Variants in NFKB2 observed in about 807,000 individuals in gnomAD.
NFKB2 encodes nuclear factor kappa B subunit 2.
Under a neutral mutation model 109.3 loss-of-function variants are expected in NFKB2, and 21 were observed. The ratio of observed to expected loss-of-function variants is 0.19; its 90% CI spans 0.14 to 0.28. The LOEUF is 0.28. NFKB2 is among the 10% of genes least tolerant of loss of function. NFKB2 has a pLI of 1.00. For synonymous variants in NFKB2, 478 were observed against 489.9 expected (o/e 0.98, Z 0.32); for missense variants, 806 against 1,185.3 (o/e 0.68, Z 4.70).
rs756619156 is a variant in NFKB2 at position 102,397,311 on chromosome 10, C to T, written c.405C>T (p.Asn135=). The change falls in exon 7 of 23, where the codon AAC becomes AAT. Residue 135 remains asparagine (N), a synonymous_variant. Transcript: ENST00000661543. The surrounding 1 kb of genome is among the most constrained non-coding windows in gnomAD (Gnocchi z 4.7). ...GATTCTCTCTTCTCAGATTTAACAA[C>T]CTGGGTGTCCTGCATGTGACTAAGA... is the stretch of plus-strand genomic sequence containing the variant. ...GPKDMTAQFN[N]LGVLHVTKKN... 10 of 1,613,946 alleles carry T rather than the reference C, an allele frequency of 6.2e-6. No individual in the cohort carries two copies. In the African/African-American group the frequency reaches 1.1e-4, roughly 17 times the overall value.
rs2061253580 is a variant in NFKB2, at chr10:102,401,640, T to C, written c.2294-105T>C. ...CCTCAGCCCCGTCCATCACCCCTCA[T>C]GGTCCTGTCTGTCGCTTACCTTGGG... On this transcript the variant is annotated intron_variant, in intron 20 of 22. Transcript: ENST00000661543. The surrounding 1 kb of genome is among the most constrained non-coding windows in gnomAD (Gnocchi z 4.2). The C allele has an allele frequency of 3.3e-6, 5 of 1,522,830 alleles. No individual in the cohort carries two copies. Among genetic ancestry groups the C allele is most frequent in the African/African-American group, 2.7e-5 (2 of 72,884 alleles). The allele number at this position is 1,522,830 out of a possible 1,614,324, so 94.3% of individuals were successfully genotyped here.
Position 102,401,237 on chromosome 10 carries a change from C to T in NFKB2, c.2129C>T (p.Thr710Ile). 2 of 1,611,470 alleles carry T rather than the reference C, an allele frequency of 1.2e-6. No individual in the cohort carries two copies. Among genetic ancestry groups the T allele is most frequent in the South Asian group, 2.2e-5 (2 of 90,730 alleles). ...EPLCPLPSPP[T>I]SDSDSDSEGP... is the part of the protein sequence containing the mutation. The stretch of plus-strand genomic sequence containing the variant: ...CTGTGCCCACTGCCTTCACCCCCTA[C>T]CTCTGATAGCGACTCGGACTCTGAA... The change falls in exon 19 of 23, where the codon ACC (threonine) becomes ATC (isoleucine). Residue 710 changes from threonine to isoleucine, a missense_variant. Thr to Ile is a moderately conservative substitution (Grantham distance 89, BLOSUM62 -1). Coordinates refer to ENST00000661543, the MANE Select transcript of NFKB2 (RefSeq NM_001322934.2). The surrounding 1 kb of genome is among the most constrained non-coding windows in gnomAD (Gnocchi z 4.2).
Position 102,396,315 on chromosome 10 carries a change from G to A in NFKB2, c.84G>A (p.Lys28=), listed in dbSNP as rs2061112217. Residue 28 remains lysine, a synonymous_variant, in exon 3 of 23, where the codon AAG becomes AAA. Transcript: ENST00000661543. This position sits in a 1 kb window ranked among gnomAD's most constrained non-coding sequence, Gnocchi z 5.9. ...TGAACTCCTCCATTGTGGAACCCAA[G>A]GAGCCAGCCCCAGAAACAGGTCAGC... ...FKLNSSIVEP[K]EPAPETADGP... The A allele has an allele frequency of 6.2e-7, 1 of 1,613,552 alleles. No homozygotes were observed. The highest frequency in any genetic ancestry group is 8.5e-7 in the Non-Finnish European group (1 of 1,179,528).
In NFKB2 at chr10:102,395,946, C is replaced by A. The variant is rs2061101290; in HGVS notation, c.-14C>A. The A allele has an allele frequency of 6.2e-7, 1 of 1,612,720 alleles. No individual in the cohort carries two copies. The highest frequency in any genetic ancestry group is 8.5e-7 in the Non-Finnish European group (1 of 1,179,972). On this transcript the variant is annotated 5_prime_UTR_variant, in exon 2 of 23. Transcript: ENST00000661543. ...GCCGGAGCCACTAGACAGAGCCGGG[C>A]CTAGCCCAGAGACATGGAGAGTTGC...
Position 102,401,294 on chromosome 10 carries a change from G to A in NFKB2, c.2186G>A (p.Arg729Gln), listed in dbSNP as rs201099063. 3.5e-5 allele frequency: 56 copies of A among 1,609,978 alleles called. No homozygotes were observed. The highest frequency in any genetic ancestry group is 4.0e-5 in the African/African-American group (3 of 74,980). Residue 729 changes from arginine (R) to glutamine (Q), a missense_variant, in exon 19 of 23, where the codon CGG (arginine) becomes CAG (glutamine). Arg to Gln is a conservative substitution (Grantham distance 43). This residue lies in a region of NFKB2 where 211 missense variants were observed against 268.7 expected (regional missense o/e 0.79). Coordinates refer to ENST00000661543, the MANE Select transcript of NFKB2 (RefSeq NM_001322934.2). This position sits in a 1 kb window ranked among gnomAD's most constrained non-coding sequence, Gnocchi z 4.2. ...GAGAAGGACACCCGAAGCAGCTTCCGGGGCCACACGCCTCTTGACCTCACT... is the reference window on the plus strand; with the variant it reads ...GAGAAGGACACCCGAAGCAGCTTCCAGGGCCACACGCCTCTTGACCTCACT... The part of the protein sequence containing the change: ...GPEKDTRSSF[R>Q]GHTPLDLTCS...
In NFKB2 at chr10:102,399,596, C is replaced by A; in HGVS notation, c.1347C>A (p.Arg449=). ...CCGTAGCTCGAGAGTACAACGCGCG[C>A]CTGTTCGGCCTGGCGCAGCGCAGCG... The part of the protein sequence containing the change: ...MLQRAREYNA[R]LFGLAQRSAR... Residue 449 remains arginine, a synonymous_variant, in exon 14 of 23, where the codon CGC becomes CGA. Coordinates refer to ENST00000661543, the MANE Select transcript of NFKB2 (RefSeq NM_001322934.2). 6.5e-7 allele frequency: 1 copy of A among 1,549,602 alleles called. No individual in the cohort carries two copies. The highest frequency in any genetic ancestry group is 8.7e-7 in the Non-Finnish European group (1 of 1,147,068).
rs769263526 is a variant in NFKB2 at position 102,401,893 on chromosome 10, T to C, written c.2442T>C (p.Ser814=). 6.2e-7 allele frequency: 1 copy of C among 1,613,272 alleles called. No individual in the cohort carries two copies. The highest frequency in any genetic ancestry group is 1.7e-5 in the Admixed American group (1 of 59,938). The part of the protein sequence containing the change: ...VDTYRQTTSP[S]GSLLRSYELA... ...CGTACCGACAGACAACCTCACCCAG[T>C]GGCAGCCTCCTGCGCAGCTACGAGG... The change falls in exon 21 of 23, where the codon AGT becomes AGC. Residue 814 remains serine (S), a synonymous_variant. Coordinates refer to ENST00000661543, the MANE Select transcript of NFKB2 (RefSeq NM_001322934.2). This position sits in a 1 kb window ranked among gnomAD's most constrained non-coding sequence, Gnocchi z 4.2.
chr10:102,399,517 G>T lies in NFKB2; in HGVS notation c.1327+20G>T. 2.0e-6 allele frequency: 3 copies of T among 1,500,732 alleles called. No homozygotes were observed. The highest frequency in any genetic ancestry group is 2.7e-6 in the Non-Finnish European group (3 of 1,123,928). 93.0% of individuals were successfully genotyped at this position (1,500,732 alleles called of 1,614,324 possible). ...AGCGAGGTATGGACTCCGGGGCACG[G>T]GCGGTCGGGGCGCCGGGGCTGAGGA... On this transcript the variant is annotated intron_variant, in intron 13 of 22. Transcript: ENST00000661543.
At position 102,397,191 on chromosome 10, in the gene NFKB2, A is replaced by G; in HGVS notation, c.396-111A>G. 2 of 1,528,174 alleles carry G rather than the reference A, an allele frequency of 1.3e-6. No homozygotes were observed. The highest frequency in any genetic ancestry group is 3.6e-5 in the Admixed American group (2 of 55,166). The allele number at this position is 1,528,174 out of a possible 1,614,324, so 94.7% of individuals were successfully genotyped here. A position where few individuals can be genotyped will look rare whatever the true frequency, so the allele number is the denominator to read the frequency against. ...CCCAAACCCAAGGGCCTAAGTAGAA[A>G]CTCCAATGGCTTCCTTGAGGAAGTA... is the stretch of plus-strand genomic sequence containing the variant. On this transcript the variant is annotated intron_variant, in intron 6 of 22. Coordinates refer to ENST00000661543, the MANE Select transcript of NFKB2 (RefSeq NM_001322934.2). The surrounding 1 kb of genome is among the most constrained non-coding windows in gnomAD (Gnocchi z 4.7).
At position 102,399,599 on chromosome 10, in the gene NFKB2, G is replaced by A; in HGVS notation, c.1350G>A (p.Leu450=). The A allele has an allele frequency of 6.5e-7, 1 of 1,549,486 alleles. No homozygotes were observed. The highest frequency in any genetic ancestry group is 8.7e-7 in the Non-Finnish European group (1 of 1,147,038). Residue 450 remains leucine (L), a synonymous_variant, in exon 14 of 23, where the codon CTG becomes CTA. Coordinates refer to ENST00000661543, the MANE Select transcript of NFKB2 (RefSeq NM_001322934.2). ...TAGCTCGAGAGTACAACGCGCGCCT[G>A]TTCGGCCTGGCGCAGCGCAGCGCCC... is the stretch of plus-strand genomic sequence containing the variant. ...LQRAREYNAR[L]FGLAQRSARA... is the part of the protein sequence containing the mutation.
At position 102,402,453 on chromosome 10, in the gene NFKB2, C is replaced by T. The variant is rs2061285598; in HGVS notation, c.*77C>T. The T allele has an allele frequency of 1.3e-6, 1 of 799,006 alleles. No homozygotes were observed. 49.5% of individuals were successfully genotyped at this position (799,006 alleles called of 1,614,324 possible). On this transcript the variant is annotated 3_prime_UTR_variant, in exon 23 of 23. Coordinates refer to ENST00000661543, the MANE Select transcript of NFKB2 (RefSeq NM_001322934.2). The stretch of plus-strand genomic sequence containing the variant: ...CCTATTTCAAATCTTATTTAACACC[C>T]CACACCCACCCCTCAGTTGGGACAA...
chr10:102,396,162 G>T lies in NFKB2; in HGVS notation c.22-91G>T. ...CTTTCTCTTGGGTCTGAGGAGGAGG[G>T]GGGAGTGACCACTGAAGACTTGGAG... On this transcript the variant is annotated intron_variant, in intron 2 of 22. Coordinates refer to ENST00000661543, the MANE Select transcript of NFKB2 (RefSeq NM_001322934.2). This position sits in a 1 kb window ranked among gnomAD's most constrained non-coding sequence, Gnocchi z 5.9. 1.4e-6 allele frequency: 2 copies of T among 1,479,710 alleles called. No individual in the cohort carries two copies. Among genetic ancestry groups the T allele is most frequent in the Non-Finnish European group, 1.9e-6 (2 of 1,069,948 alleles). 91.7% of individuals were successfully genotyped at this position (1,479,710 alleles called of 1,614,324 possible).
In NFKB2 at chr10:102,398,324, G is replaced by A. The variant is rs1387214231; in HGVS notation, c.852+27G>A. ...TACCCAGGGCTAGGGCCCGGGCCCGGGCTGGGGGCTAAATTAGGCTAAGGA... is the reference window on the plus strand; with the variant it reads ...TACCCAGGGCTAGGGCCCGGGCCCGAGCTGGGGGCTAAATTAGGCTAAGGA... On this transcript the variant is annotated intron_variant, in intron 10 of 22. Coordinates refer to ENST00000661543, the MANE Select transcript of NFKB2 (RefSeq NM_001322934.2). This position sits in a 1 kb window ranked among gnomAD's most constrained non-coding sequence, Gnocchi z 6.6. 1.2e-6 allele frequency: 2 copies of A among 1,614,068 alleles called. No homozygotes were observed. The highest frequency in any genetic ancestry group is 2.2e-5 in the South Asian group (2 of 91,088).
At position 102,397,918 on chromosome 10, in the gene NFKB2, C is replaced by A; in HGVS notation, c.662-63C>A. The A allele has an allele frequency of 1.3e-6, 2 of 1,538,630 alleles. No individual in the cohort carries two copies. On this transcript the variant is annotated intron_variant, in intron 8 of 22. Transcript: ENST00000661543. This position sits in a 1 kb window ranked among gnomAD's most constrained non-coding sequence, Gnocchi z 4.7. Reference sequence around the variant, plus strand: ...GCTGAGATAAGGAATACAAAGCCCCCAGCTTCTTAAATGTGGCCTTGGCTA... The same window carrying A: ...GCTGAGATAAGGAATACAAAGCCCCAAGCTTCTTAAATGTGGCCTTGGCTA...
At position 102,396,434 on chromosome 10, in the gene NFKB2, T is replaced by A. The variant is rs1589858550; in HGVS notation, c.104-15T>A. 2 of 1,613,738 alleles carry A rather than the reference T, an allele frequency of 1.2e-6. No homozygotes were observed. The highest frequency in any genetic ancestry group is 2.2e-5 in the East Asian group (1 of 44,882). On this transcript the variant is annotated splice_polypyrimidine_tract_variant and intron_variant, in intron 3 of 22. Coordinates refer to ENST00000661543, the MANE Select transcript of NFKB2 (RefSeq NM_001322934.2). The surrounding 1 kb of genome is among the most constrained non-coding windows in gnomAD (Gnocchi z 5.9). ...GCTGGGAGATCGTGGCTCAGCAAGG[T>A]CTCTCTGTCCCCAGCTGATGGCCCC...
At chr10:102,399,743 C>A (rs2061192674) in intron 14 of NFKB2, 25 bp downstream of exon 14, 1 of 1,445,332 alleles carries the variant, frequency 6.9e-7, no homozygotes. Context: ...GCCTGGCGGA[C>A]GAGGCGCGGG....
At position 102,400,456 on chromosome 10, in the gene NFKB2, C is replaced by T. The variant is rs1249733559; in HGVS notation, c.1763C>T (p.Ala588Val). The T allele has an allele frequency of 1.2e-6, 2 of 1,611,604 alleles. No homozygotes were observed. The highest frequency in any genetic ancestry group is 1.7e-6 in the Non-Finnish European group (2 of 1,179,554). The change falls in exon 16 of 23, where the codon GCT (alanine) becomes GTT (valine). Residue 588 changes from alanine (A) to valine (V), a missense_variant. Transcript: ENST00000661543. The surrounding 1 kb of genome is among the most constrained non-coding windows in gnomAD (Gnocchi z 6.3). ...GCACTGCTTCAGAGTGGAGCTCCTG[C>T]TGTGCCCCAGCTGTTGCATATGCCT... ...LRALLQSGAP[A>V]VPQLLHMPDF...
In NFKB2 at chr10:102,401,126, A is replaced by G. The variant is rs1417355447; in HGVS notation, c.2072-54A>G. 2.5e-6 allele frequency: 4 copies of G among 1,609,082 alleles called. No individual in the cohort carries two copies. The African/African-American group carries it at 5.3e-5, about 22-fold the overall frequency. ...GTGCCTCCCAGTCCCCCGACTTTGC[A>G]GTCCTTAATGTAGGCCCCCACCATA... On this transcript the variant is annotated intron_variant, in intron 18 of 22. Coordinates refer to ENST00000661543, the MANE Select transcript of NFKB2 (RefSeq NM_001322934.2). The surrounding 1 kb of genome is among the most constrained non-coding windows in gnomAD (Gnocchi z 4.2).
At chr10:102,402,198 G>T in intron 22 of NFKB2, 39 bp downstream of exon 22, 1 of 1,554,298 alleles carries the variant, frequency 6.4e-7, no homozygotes, top group East Asian at 2.4e-5. Flanking sequence ...TGGACCTGGA[G>T]GGCCGGAGGC....
Sources: allele counts gnomAD v4.1 joint callset, GRCh38; gene constraint gnomAD v4.1.1; regional missense constraint gnomAD v4.1.1; non-coding constraint Gnocchi (gnomAD v3.1); transcripts MANE v1.5; gene names NCBI Gene and HGNC (gene_info 2026-07-23, HGNC 2026-07-21).